DIAPH3: variants seen among roughly 807,000 people sequenced by gnomAD.
DIAPH3 encodes protein diaphanous homolog 3.
DIAPH3 carries 117 observed loss-of-function variants against 144.3 expected under a neutral mutation model. The observed-to-expected ratio is 0.81, with a 90% CI of 0.70 to 0.95. The LOEUF is 0.95. Ranked by LOEUF, DIAPH3 falls within the 40% of genes least tolerant of loss-of-function variation. DIAPH3 has a pLI of 0.00. For synonymous variants in DIAPH3, 519 were observed against 488.9 expected, an observed-to-expected ratio of 1.06 and a Z score of -0.81; for missense variants, 1,421 against 1,412.7, an observed-to-expected ratio of 1.01 and a Z score of -0.09.
chr13:60,133,609 T>C (rs2059196674), intron 1 of DIAPH3, among the ~76,000 whole-genome samples: 1 of 152,154 alleles, frequency 6.6e-6, no homozygotes, highest in Non-Finnish European at 1.5e-5. Context: ...CATTGCTAGC[T>C]TCAAGGACCC....
intron 1 of DIAPH3, among the ~76,000 whole-genome samples, chr13:60,162,805 TCTCTCACACACACACACACACA>T (rs1952358791): frequency 7.3e-6 from 1 of 136,442 alleles, no homozygotes; most frequent in South Asian, 2.5e-4. Context: ...TCTCTCTCTC[TCTCTCACACACACACACACACA>T]CACACACACA....
intron 4 of DIAPH3, among the ~76,000 whole-genome samples, chr13:60,065,867 A>G (rs1355455053): frequency 6.6e-6 from 1 of 152,174 alleles, no homozygotes; most frequent in African/African-American, 2.4e-5. Flanking sequence ...AATCAAGGAG[A>G]AAATACAGTG....
chr13:59,906,077 A>C (rs1165259103), intron 20 of DIAPH3, among the ~76,000 whole-genome samples: 1 of 152,212 alleles, frequency 6.6e-6, no homozygotes, highest in Non-Finnish European at 1.5e-5. Flanking sequence ...GTACAGCTAG[A>C]ATTTAAACCC....
chr13:60,093,010 T>G (rs981931981), intron 4 of DIAPH3, among the ~76,000 whole-genome samples: 1 of 152,230 alleles, frequency 6.6e-6, no homozygotes, highest in Non-Finnish European at 1.5e-5. Flanking sequence ...AATCCATTTA[T>G]TCACAATTTG....
chr13:59,680,842 G>A (rs2032902220), intron 27 of DIAPH3, among the ~76,000 whole-genome samples: 1 of 152,046 alleles, frequency 6.6e-6, no homozygotes, highest in Non-Finnish European at 1.5e-5. Context: ...TTATTTGGAA[G>A]GGGAAGGAAA....
chr13:60,088,700 C>T (rs983620619), intron 4 of DIAPH3, among the ~76,000 whole-genome samples: 1 of 152,178 alleles, frequency 6.6e-6, no homozygotes, highest in Non-Finnish European at 1.5e-5. Flanking sequence ...CAGCTCACCG[C>T]AACCTCCACC....
At chr13:59,922,409 T>C (rs1190836327) in intron 18 of DIAPH3, among the ~76,000 whole-genome samples, 1 of 152,072 alleles carries the variant, frequency 6.6e-6, no homozygotes, top group Non-Finnish European at 1.5e-5. Flanking sequence ...AGTAGATAAA[T>C]GAATGACTTT....
At chr13:60,045,402 C>A (rs540931455) in intron 4 of DIAPH3, among the ~76,000 whole-genome samples, 7 of 151,918 alleles carry the variant, frequency 4.6e-5, no homozygotes, top group East Asian at 1.9e-4. Flanking sequence ...TTATTAGCAG[C>A]GCGAGAAAAA....
chr13:60,034,118 T>C (rs1024818668), intron 5 of DIAPH3, among the ~76,000 whole-genome samples: 1 of 152,198 alleles, frequency 6.6e-6, no homozygotes, highest in East Asian at 1.9e-4. Context: ...AGAGTACTAA[T>C]AACTAGAGGC....
Position 59,923,670 on chromosome 13 carries a change from A to C in DIAPH3, c.2170+1105T>G, listed in dbSNP as rs182455434. 2.6e-4 allele frequency among the ~76,000 whole-genome samples: 39 copies of C among 152,274 alleles called. 1 individual carries two copies. The highest frequency in any genetic ancestry group is 3.4e-3 in the Middle Eastern group (1 of 294). On this transcript the variant is annotated intron_variant, in intron 18 of 27. Transcript: ENST00000400324. Reference sequence around the variant, plus strand: ...CTCCACTCCCATCTTCACTGGTCCAAGCATGTCACTTGGTGACTCCTAACT... The same window carrying C: ...CTCCACTCCCATCTTCACTGGTCCACGCATGTCACTTGGTGACTCCTAACT...
intron 20 of DIAPH3, among the ~76,000 whole-genome samples, chr13:59,893,691 T>A (rs1249629885): frequency 6.6e-6 from 1 of 152,120 alleles, no homozygotes; most frequent in African/African-American, 2.4e-5. Flanking sequence ...AAGCCCTCTA[T>A]GTTGCAGATT....
Position 60,010,612 on chromosome 13 carries a change from C to T in DIAPH3, c.829G>A (p.Val277Met), listed in dbSNP as rs200982440. ...ATCATATTGGGGTGTCTGGGATCCA[C>T]GGCTTTGGCCAATAAGGAAAGGCTC... is the stretch of plus-strand genomic sequence containing the variant. The part of the protein sequence containing the change: ...ERSLSLLAKA[V>M]DPRHPNMMTD... The change falls in exon 8 of 28, where the codon GTG becomes ATG. Residue 277 changes from valine (V) to methionine (M), a missense_variant. Transcript: ENST00000400324. 1.3e-4 allele frequency: 204 copies of T among 1,613,556 alleles called. No homozygotes were observed. The highest frequency in any genetic ancestry group is 2.4e-4 in the South Asian group (22 of 91,022).
intron 17 of DIAPH3, among the ~76,000 whole-genome samples, chr13:59,925,509 G>T (rs2047711497): frequency 6.6e-6 from 1 of 152,122 alleles, no homozygotes. Context: ...ATTGGTCTAA[G>T]TTTTCTTTTT....
chr13:59,740,941 C>T (rs2139044625), intron 27 of DIAPH3, among the ~76,000 whole-genome samples: 1 of 152,190 alleles, frequency 6.6e-6, no homozygotes, highest in East Asian at 1.9e-4. Flanking sequence ...ATGCCCAAGG[C>T]TGGGAAGAGA....
chr13:59,793,890 TC>T (rs1233103694), intron 25 of DIAPH3, among the ~76,000 whole-genome samples: 8 of 152,126 alleles, frequency 5.3e-5, no homozygotes, highest in Non-Finnish European at 1.2e-4. Context: ...CCCTTCCTAC[TC>T]ACTAGACATG....
At chr13:60,048,387 A>G (rs1174918326) in intron 4 of DIAPH3, among the ~76,000 whole-genome samples, 1 of 152,232 alleles carries the variant, frequency 6.6e-6, no homozygotes, top group African/African-American at 2.4e-5. Context: ...ACAAATTAAT[A>G]AACAGATTAA....
chr13:59,770,212 T>C (rs2038054176), intron 27 of DIAPH3, among the ~76,000 whole-genome samples: 1 of 152,154 alleles, frequency 6.6e-6, no homozygotes, highest in Non-Finnish European at 1.5e-5. Flanking sequence ...GCTGGAACTT[T>C]AGCAACTGGC....
chr13:60,042,696 G>T lies in DIAPH3; in HGVS notation c.620C>A (p.Pro207His). 6.2e-7 allele frequency: 1 copy of T among 1,613,600 alleles called. No homozygotes were observed. The highest frequency in any genetic ancestry group is 8.5e-7 in the Non-Finnish European group (1 of 1,179,704). Reference protein sequence around the residue: ...ESLRVSLTSNPVSWVESFGHE... With the variant: ...ESLRVSLTSNHVSWVESFGHE... ...GTTCAAATAGATGAATTACCTCACA[G>T]GATTGCTGGTCAAAGACACTCGGAG... The change falls in exon 5 of 28, where the codon CCT becomes CAT. Residue 207 changes from proline (P) to histidine (H), a missense_variant. Coordinates refer to ENST00000400324, the MANE Select transcript of DIAPH3 (RefSeq NM_001042517.2).
chr13:60,123,374 C>T (rs2058898756), intron 2 of DIAPH3, among the ~76,000 whole-genome samples: 1 of 152,040 alleles, frequency 6.6e-6, no homozygotes, highest in South Asian at 2.1e-4. Flanking sequence ...AATGAGTGGA[C>T]AAAACAATGA....
Sources: gnomAD v4.1 joint callset for allele counts (sites outside exome capture counted in the v4.1 genomes callset) on GRCh38, gnomAD v4.1.1 for gene constraint, MANE v1.5 for transcripts, NCBI Gene and HGNC (gene_info 2026-07-23, HGNC 2026-07-21) for gene names.